Variants in MYO15A observed in about 807,000 individuals in gnomAD.
MYO15A encodes myosin XVA, also known as unconventional myosin-XV.
Under a neutral mutation model 394.6 loss-of-function variants are expected in MYO15A, and 308 were observed. That is an observed-to-expected ratio of 0.78 (90% CI 0.71 to 0.86). MYO15A has a LOEUF of 0.86. Ranked by LOEUF, MYO15A falls within the 40% of genes least tolerant of loss-of-function variation. MYO15A has a pLI of 0.00. For synonymous variants in MYO15A, 1,957 were observed against 2,003.8 expected (o/e 0.98, Z 0.62); for missense variants, 4,606 against 4,799.1 (o/e 0.96, Z 1.19).
At chr17:18,128,110 C>T (rs2046086486) in intron 7 of MYO15A, among the ~76,000 whole-genome samples, 1 of 151,970 alleles carries the variant, frequency 6.6e-6, no homozygotes, top group South Asian at 2.1e-4. Context: ...AGCCAGCCAG[C>T]AACCTACAGA....
At chr17:18,160,825 T>C (rs564883204) in intron 56 of MYO15A, 1 of 326,474 alleles carries the variant, frequency 3.1e-6, no homozygotes, top group East Asian at 7.8e-5. Flanking sequence ...ACACAGTACG[T>C]GCCCAATGTG....
rs781756305 is a variant in MYO15A, at chr17:18,139,609, C to T, written c.5209C>T (p.Arg1737Trp). 4 of 1,613,796 alleles carry T rather than the reference C, an allele frequency of 2.5e-6. No individual in the cohort carries two copies. Among genetic ancestry groups the T allele is most frequent in the Admixed American group, 3.3e-5 (2 of 59,986 alleles). The change falls in exon 19 of 66, where the codon CGG becomes TGG. Residue 1737 changes from arginine (R) to tryptophan (W), a missense_variant and splice_region_variant. Transcript: ENST00000647165. ...VLDLFVRSRT[R>W]VVAHLFSSHA... ...GGACCTGTTCGTACGGAGCCGGACA[C>T]GGGTAAGCCTCGCCTCCCACCGCTC...
At chr17:18,127,404 C>T (rs2046068819) in intron 7 of MYO15A, among the ~76,000 whole-genome samples, 1 of 152,158 alleles carries the variant, frequency 6.6e-6, no homozygotes, top group East Asian at 1.9e-4. Context: ...CCTCCGGGTC[C>T]AGTTCAGAGT....
chr17:18,158,006 C>T lies in MYO15A; in HGVS notation c.8967+106C>T, dbSNP rs890446285. 5 of 1,397,208 alleles carry T rather than the reference C, an allele frequency of 3.6e-6. No homozygotes were observed. The African/African-American group carries it at 5.8e-5, about 16-fold the overall frequency. 86.6% of individuals were successfully genotyped at this position (1,397,208 alleles called of 1,614,324 possible). A position where few individuals can be genotyped will look rare whatever the true frequency, so the allele number is the denominator to read the frequency against. On this transcript the variant is annotated intron_variant, in intron 51 of 65. Transcript: ENST00000647165. Reference sequence around the variant, plus strand: ...AAGGTGGGCCAAGGGCCTGGCCAGGCTCTTGGGGCGTGGCTGATCTTGGAC... The same window carrying T: ...AAGGTGGGCCAAGGGCCTGGCCAGGTTCTTGGGGCGTGGCTGATCTTGGAC...
At chr17:18,163,636 G>A (rs2046807268) in intron 59 of MYO15A, 106 bp from the exon 60 acceptor site, 4 of 1,028,868 alleles carry the variant, frequency 3.9e-6, no homozygotes, top group Admixed American at 4.0e-5. Context: ...CCTTTGTGAA[G>A]AGGGCTGAGG....
chr17:18,131,589 T>C (rs941461570), intron 10 of MYO15A, 58 bp downstream of exon 10: 5 of 1,596,372 alleles, frequency 3.1e-6, no homozygotes, highest in South Asian at 2.2e-5. Context: ...GAGGTACAGA[T>C]ACTCAGAGCC....
At chr17:18,124,906 T>C in intron 3 of MYO15A, 1 of 593,520 alleles carries the variant, frequency 1.7e-6, no homozygotes. Context: ...GTCAGCATCA[T>C]TATCTAATCA....
chr17:18,162,719 G>T, intron 58 of MYO15A, 40 bp downstream of exon 58: 1 of 1,600,682 alleles, frequency 6.2e-7, no homozygotes, highest in Non-Finnish European at 8.6e-7. Context: ...TGAATGGGAG[G>T]CTGGGCGCAG....
At chr17:18,164,059 C>T (rs1351798209) in intron 60 of MYO15A, 1 of 590,930 alleles carries the variant, frequency 1.7e-6, no homozygotes, top group African/African-American at 1.8e-5. Flanking sequence ...ATGATGAGAG[C>T]CCTCTCTCAT....
chr17:18,121,336 C>T lies in MYO15A; in HGVS notation c.2536C>T (p.Pro846Ser). Residue 846 changes from proline to serine, a missense_variant, in exon 2 of 66, where the codon CCG (proline) becomes TCG (serine). Physicochemically the swap from Pro to Ser is moderately conservative, Grantham distance 74. Coordinates refer to ENST00000647165, the MANE Select transcript of MYO15A (RefSeq NM_016239.4). The surrounding 1 kb of genome is among the most constrained non-coding windows in gnomAD (Gnocchi z 5.3). The part of the protein sequence containing the change: ...PGSPLPGSPR[P>S]PSPPLGLCHS... ...CTCGCCGCTGCCGGGCTCACCCAGGCCGCCCTCGCCGCCCCTGGGGCTCTG... is the reference window on the plus strand; with the variant it reads ...CTCGCCGCTGCCGGGCTCACCCAGGTCGCCCTCGCCGCCCCTGGGGCTCTG... The T allele has an allele frequency of 1.4e-6, 2 of 1,394,712 alleles. No individual in the cohort carries two copies. Among genetic ancestry groups the T allele is most frequent in the Non-Finnish European group, 1.9e-6 (2 of 1,080,396 alleles). The allele number at this position is 1,394,712 out of a possible 1,614,324, so 86.4% of individuals were successfully genotyped here.
chr17:18,167,490 G>T, intron 61 of MYO15A, 100 bp from the exon 62 acceptor site: 1 of 1,562,668 alleles, frequency 6.4e-7, no homozygotes, highest in Non-Finnish European at 8.7e-7. Context: ...AGAAGAGGAT[G>T]GGGCTGCAAT....
intron 60 of MYO15A, 24 bp from the exon 61 acceptor site, chr17:18,166,337 G>T (rs1295984885): frequency 6.2e-7 from 1 of 1,609,280 alleles, no homozygotes; most frequent in Non-Finnish European, 8.5e-7. Flanking sequence ...CCCCCACCCA[G>T]CCCTGCCTCC....
intron 62 of MYO15A, among the ~76,000 whole-genome samples, chr17:18,168,007 G>C (rs1381314023): frequency 6.6e-6 from 1 of 152,198 alleles, no homozygotes; most frequent in Admixed American, 6.5e-5. Flanking sequence ...GTTCCCTGTG[G>C]TCCAGGAAAT....
rs1395272125 is a variant in MYO15A at position 18,151,163 on chromosome 17, C to A, written c.7527C>A (p.Ala2509=). 6.2e-7 allele frequency: 1 copy of A among 1,613,932 alleles called. No homozygotes were observed. The highest frequency in any genetic ancestry group is 8.5e-7 in the Non-Finnish European group (1 of 1,180,016). ...CGTCTGTAGGCACCGGTCCCCCTGC[C>A]AAACCCGTGCTCCTGCGTGCCACTC... ...QPTSVGTGPP[A]KPVLLRATPK... is the part of the protein sequence containing the mutation. Residue 2509 remains alanine (A), a synonymous_variant, in exon 39 of 66, where the codon GCC becomes GCA. Coordinates refer to ENST00000647165, the MANE Select transcript of MYO15A (RefSeq NM_016239.4).
intron 52 of MYO15A, 75 bp downstream of exon 52, chr17:18,158,713 G>A: frequency 6.4e-7 from 1 of 1,551,008 alleles, no homozygotes. Context: ...ACTGCAGGCT[G>A]TCAGTCTCGG....
Position 18,121,914 on chromosome 17 carries a change from C to T in MYO15A, c.3114C>T (p.Val1038=), listed in dbSNP as rs750898523. The change falls in exon 2 of 66, where the codon GTC becomes GTT. Residue 1038 remains valine (V), a synonymous_variant. Transcript: ENST00000647165. The surrounding 1 kb of genome is among the most constrained non-coding windows in gnomAD (Gnocchi z 5.3). ...CAACCCCAGCACCTCCCAAGGATGT[C>T]ACTCCCCCCAAGGATATCACTCCCC... The part of the protein sequence containing the change: ...KPPTPAPPKD[V]TPPKDITPPK... 1.2e-6 allele frequency: 2 copies of T among 1,613,030 alleles called. No homozygotes were observed. The highest frequency in any genetic ancestry group is 1.7e-6 in the Non-Finnish European group (2 of 1,179,928).
Position 18,156,285 on chromosome 17 carries a change from A to G in MYO15A, c.8550A>G (p.Arg2850=). The G allele has an allele frequency of 2.5e-6, 4 of 1,614,152 alleles. No individual in the cohort carries two copies. The highest frequency in any genetic ancestry group is 2.2e-5 in the South Asian group (2 of 91,080). The stretch of plus-strand genomic sequence containing the variant: ...AGAAGGTCATCCTCTTCTCAGCCCG[A>G]GCGCACCAGGTCAAGACCCTGGTAG... ...ASEKVILFSA[R]AHQVKTLVDD... The change falls in exon 48 of 66, where the codon CGA becomes CGG. Residue 2850 remains arginine (R), a synonymous_variant. Coordinates refer to ENST00000647165, the MANE Select transcript of MYO15A (RefSeq NM_016239.4).
intron 65 of MYO15A, among the ~76,000 whole-genome samples, chr17:18,174,928 C>G (rs778311377): frequency 2.0e-5 from 3 of 152,118 alleles, no homozygotes; most frequent in Non-Finnish European, 2.9e-5. Flanking sequence ...CTCCTTGGCC[C>G]CCTGTGCCCC....
At chr17:18,133,474 T>C in intron 12 of MYO15A, 88 bp downstream of exon 12, 1 of 1,535,244 alleles carries the variant, frequency 6.5e-7, no homozygotes, top group Non-Finnish European at 8.9e-7. Context: ...CCTTTCAGAT[T>C]ACACTATGCA....
Sources: allele counts gnomAD v4.1 joint callset (sites outside exome capture counted in the v4.1 genomes callset), GRCh38; gene constraint gnomAD v4.1.1; non-coding constraint Gnocchi (gnomAD v3.1); transcripts MANE v1.5; gene names NCBI Gene and HGNC (gene_info 2026-07-23, HGNC 2026-07-21).